GALNT13: variants seen among roughly 807,000 people sequenced by gnomAD.
GALNT13 encodes the protein UDP-GalNAc:polypeptide N-acetylgalactosaminyltransferase 13.
In GALNT13, 28 loss-of-function variants were observed where a neutral mutation model predicts 64.2. That is an observed-to-expected ratio of 0.44 (90% CI 0.32 to 0.60). The LOEUF (loss-of-function observed/expected upper bound fraction) is 0.60. Among genes scored for constraint, GALNT13 ranks in the 20% least tolerant of loss-of-function variants. GALNT13 has a pLI of 0.05. For missense variants in GALNT13, 577 were observed against 669.8 expected (o/e 0.86, Z 1.53); for synonymous variants, 214 against 224.6 (o/e 0.95, Z 0.42).
chr2:153,432,517 C>A, the GALNT13 span, among the ~76,000 whole-genome samples: 7 of 152,148 alleles, frequency 4.6e-5, no homozygotes, highest in Non-Finnish European at 7.4e-5. Flanking sequence ...AAATTCATTT[C>A]TTCAAGGTCA....
At chr2:153,628,400 G>C in the GALNT13 span, among the ~76,000 whole-genome samples, 1 of 152,110 alleles carries the variant, frequency 6.6e-6, no homozygotes. Context: ...GGAGTGGTGA[G>C]AGAGGGCATC....
chr2:154,332,071 A>G (rs1695195973), intron 9 of GALNT13, among the ~76,000 whole-genome samples: 1 of 152,122 alleles, frequency 6.6e-6, no homozygotes, highest in Non-Finnish European at 1.5e-5. Flanking sequence ...TAGCTCTGGC[A>G]TTCAAAATAC....
the GALNT13 span, among the ~76,000 whole-genome samples, chr2:153,501,073 A>T: frequency 3.7e-3 from 515 of 139,296 alleles, 3 homozygotes; most frequent in African/African-American, 0.012. Context: ...GTAAAAAAAA[A>T]AAATATATAA....
rs572098364 is a variant in GALNT13, at chr2:153,924,295, A to C, written c.-104-20099A>C. Among the ~76,000 whole-genome samples, 11 of 148,006 alleles carry C rather than the reference A, an allele frequency of 7.4e-5. No individual in the cohort carries two copies. The East Asian group carries it at 2.2e-3, about 30-fold the overall frequency. On this transcript the variant is annotated intron_variant, in intron 2 of 12. Coordinates refer to ENST00000392825, the MANE Select transcript of GALNT13 (RefSeq NM_052917.4). ...TCTCATCCTTCAGCTTCCACTTATA[A>C]ATGAGAACATGTGATATTTGGTTTT...
chr2:154,132,169 A>G (rs953679893), intron 3 of GALNT13, among the ~76,000 whole-genome samples: 2 of 152,160 alleles, frequency 1.3e-5, no homozygotes, highest in African/African-American at 4.8e-5. Flanking sequence ...AGGAACAATA[A>G]TTTGCATCCT....
the GALNT13 span, among the ~76,000 whole-genome samples, chr2:153,333,014 C>G: frequency 6.6e-6 from 1 of 152,198 alleles, no homozygotes; most frequent in Admixed American, 6.5e-5. Context: ...ATTCCTGCCT[C>G]TAGTGCTAAG....
At chr2:153,132,789 G>A in the GALNT13 span, among the ~76,000 whole-genome samples, 1 of 152,074 alleles carries the variant, frequency 6.6e-6, no homozygotes, top group Non-Finnish European at 1.5e-5. Context: ...GTGTGAACAT[G>A]GCTTACTGTA....
At chr2:153,473,125 G>A in the GALNT13 span, among the ~76,000 whole-genome samples, 3 of 151,934 alleles carry the variant, frequency 2.0e-5, no homozygotes, top group Admixed American at 6.6e-5. Context: ...ATGGCAGTAC[G>A]TGTATACCTA....
chr2:153,208,472 G>T, the GALNT13 span, among the ~76,000 whole-genome samples: 1 of 150,540 alleles, frequency 6.6e-6, no homozygotes, highest in African/African-American at 2.4e-5. Flanking sequence ...AATCCAGGAT[G>T]TTGAACATGT....
rs1050531912 is a variant in GALNT13, at chr2:154,345,751, C to T, written c.1156+44162C>T. Among the ~76,000 whole-genome samples the T allele has an allele frequency of 2.0e-5, 3 of 151,966 alleles. No homozygotes were observed. In the East Asian group the frequency reaches 5.8e-4, roughly 29 times the overall value. On this transcript the variant is annotated intron_variant, in intron 9 of 12. Coordinates refer to ENST00000392825, the MANE Select transcript of GALNT13 (RefSeq NM_052917.4). The stretch of plus-strand genomic sequence containing the variant: ...CTGGATTGGAGATCCTTGGAGATAA[C>T]TCATAACTATAGGCTCAGGTACAAA...
chr2:154,449,712 A>G (rs1434488704), intron 12 of GALNT13, among the ~76,000 whole-genome samples: 1 of 151,950 alleles, frequency 6.6e-6, no homozygotes, highest in East Asian at 1.9e-4. Flanking sequence ...TGCCAAAGAG[A>G]AGATATATAA....
the GALNT13 span, among the ~76,000 whole-genome samples, chr2:153,681,634 A>G: frequency 1.3e-5 from 2 of 151,900 alleles, no homozygotes; most frequent in South Asian, 2.1e-4. Context: ...GTCTTTTGCT[A>G]TCTCTCTTTC....
chr2:153,312,916 A>G, the GALNT13 span, among the ~76,000 whole-genome samples: 1 of 152,192 alleles, frequency 6.6e-6, no homozygotes, highest in African/African-American at 2.4e-5. Flanking sequence ...ATAAATTTAG[A>G]CTAATATTAC....
rs547507671 is a variant in GALNT13, at chr2:153,936,726, A to T, written c.-104-7668A>T. Reference sequence around the variant, plus strand: ...CAGGGAAGATATCTAATTAAATTTAATTTTTTTTTTTTTTGAGACAGTCTC... The same window carrying T: ...CAGGGAAGATATCTAATTAAATTTATTTTTTTTTTTTTTTGAGACAGTCTC... On this transcript the variant is annotated intron_variant, in intron 2 of 12. Transcript: ENST00000392825. 1.8e-3 allele frequency among the ~76,000 whole-genome samples: 265 copies of T among 146,312 alleles called. 1 individual carries two copies. The highest frequency in any genetic ancestry group is 7.1e-3 in the Middle Eastern group (2 of 282).
At chr2:153,150,364 T>C in the GALNT13 span, among the ~76,000 whole-genome samples, 6 of 152,072 alleles carry the variant, frequency 3.9e-5, no homozygotes, top group African/African-American at 7.2e-5. Context: ...TTGTAGATTC[T>C]GGGTATTAGC....
the GALNT13 span, among the ~76,000 whole-genome samples, chr2:153,476,602 T>G: frequency 6.6e-6 from 1 of 152,190 alleles, no homozygotes; most frequent in Non-Finnish European, 1.5e-5. Flanking sequence ...ACTCCAAATA[T>G]CCTTCCCAGT....
intron 1 of GALNT13, among the ~76,000 whole-genome samples, chr2:153,899,058 G>A (rs1688062838): frequency 6.6e-6 from 1 of 152,032 alleles, no homozygotes; most frequent in African/African-American, 2.4e-5. Flanking sequence ...TACATATAAG[G>A]ATTTTTTATG....
In GALNT13 at chr2:154,301,529, A is replaced by C. The variant is rs1313267280; in HGVS notation, c.1096A>C (p.Arg366=). 1.5e-5 allele frequency: 24 copies of C among 1,613,468 alleles called. No homozygotes were observed. In the Admixed American group the frequency reaches 3.8e-4, roughly 26 times the overall value. ...TGGTCATGTCATCAACAAGAACAAC[A>C]GGAGACTGGCAGAAGTTTGGATGGA... is the stretch of plus-strand genomic sequence containing the variant. ...GTGHVINKNN[R]RLAEVWMDEF... The change falls in exon 9 of 13, where the codon AGG becomes CGG. Residue 366 remains arginine (R), a synonymous_variant. Coordinates refer to ENST00000392825, the MANE Select transcript of GALNT13 (RefSeq NM_052917.4).
chr2:153,624,453 G>T, the GALNT13 span, among the ~76,000 whole-genome samples: 14 of 152,120 alleles, frequency 9.2e-5, no homozygotes, highest in East Asian at 2.5e-3. Context: ...CATCCAAACA[G>T]AATATTTGAA....
Sources: allele counts gnomAD v4.1 joint callset (sites outside exome capture counted in the v4.1 genomes callset), GRCh38; gene constraint gnomAD v4.1.1; transcripts MANE v1.5; gene names NCBI Gene and HGNC (gene_info 2026-07-23, HGNC 2026-07-21).